The following NDFIP1 variants were observed in gnomAD, a reference collection of about 807,000 sequenced individuals.
The protein encoded by NDFIP1 is Nedd4 family interacting protein 1, also known as NEDD4 family-interacting protein 1.
A neutral mutation model predicts 28.8 loss-of-function variants in NDFIP1; 7 were observed. That is an observed-to-expected ratio of 0.24 (90% CI 0.14 to 0.46). The LOEUF (loss-of-function observed/expected upper bound fraction) is 0.46. Among genes scored for constraint, NDFIP1 ranks in the 20% least tolerant of loss-of-function variants. The pLI is 0.99. For synonymous variants in NDFIP1, 92 were observed against 101.0 expected, an observed-to-expected ratio of 0.91 and a Z score of 0.53; for missense variants, 194 against 269.1, an observed-to-expected ratio of 0.72 and a Z score of 1.95.
At chr5:142,151,693 T>C (rs1757448330) in intron 7 of NDFIP1, 38 bp from the exon 8 acceptor site, 1 of 152,704 alleles carries the variant, frequency 6.5e-6, no homozygotes, top group African/African-American at 2.4e-5. Flanking sequence ...AATAACAAGC[T>C]AACTAGAGTT....
intron 1 of NDFIP1, among the ~76,000 whole-genome samples, chr5:142,112,063 TCAAAAAAAAC>T: frequency 6.9e-6 from 1 of 145,954 alleles, no homozygotes; most frequent in South Asian, 2.1e-4. Context: ...TGGGACTGTC[TCAAAAAAAAC>T]CAAAACAAAA....
At chr5:142,139,845 C>G (rs908635119) in intron 5 of NDFIP1, among the ~76,000 whole-genome samples, 1 of 152,086 alleles carries the variant, frequency 6.6e-6, no homozygotes, top group Non-Finnish European at 1.5e-5. Flanking sequence ...TAGTGAGATC[C>G]TGTCTCTTAA....
At chr5:142,125,894 T>C (rs193042601) in intron 1 of NDFIP1, among the ~76,000 whole-genome samples, 392 of 152,336 alleles carry the variant, frequency 2.6e-3, no homozygotes, top group African/African-American at 9.1e-3. Flanking sequence ...TACTGGCCTT[T>C]TGTATATCTT....
intron 1 of NDFIP1, among the ~76,000 whole-genome samples, chr5:142,115,791 A>G (rs1012322123): frequency 1.5e-4 from 23 of 152,096 alleles, no homozygotes; most frequent in African/African-American, 5.3e-4. Flanking sequence ...AGGTGGGGGT[A>G]TGAGTTAGAG....
At position 142,152,979 on chromosome 5, in the gene NDFIP1, A is replaced by T. The variant is rs1008835728; in HGVS notation, c.*1251A>T. ...AAATGTATTTGAACATTGGTTCTGT[A>T]AAAGATAATGGACTAAAAAAGTAGA... On this transcript the variant is annotated 3_prime_UTR_variant, in exon 8 of 8. Transcript: ENST00000253814. 2.1e-5 allele frequency: 6 copies of T among 280,612 alleles called. No homozygotes were observed. The East Asian group carries it at 5.4e-4, about 25-fold the overall frequency. 17.4% of individuals were successfully genotyped at this position (280,612 alleles called of 1,614,324 possible).
At chr5:142,146,975 A>T (rs1177539002) in intron 7 of NDFIP1, among the ~76,000 whole-genome samples, 1 of 152,184 alleles carries the variant, frequency 6.6e-6, no homozygotes, top group East Asian at 1.9e-4. Flanking sequence ...TGTTGTAGGA[A>T]GTACTAAGGG....
At chr5:142,148,473 G>A (rs531523383) in intron 7 of NDFIP1, among the ~76,000 whole-genome samples, 5 of 152,228 alleles carry the variant, frequency 3.3e-5, no homozygotes, top group Admixed American at 2.0e-4. Flanking sequence ...TGACTGGGCC[G>A]GGCGCAGTGG....
At chr5:142,145,474 G>T (rs1429500844) in intron 7 of NDFIP1, among the ~76,000 whole-genome samples, 1 of 152,044 alleles carries the variant, frequency 6.6e-6, no homozygotes, top group African/African-American at 2.4e-5. Context: ...GGGGCTTTGG[G>T]GACTGTGTTA....
intron 6 of NDFIP1, chr5:142,143,310 C>T (rs1757355048): frequency 6.6e-6 from 1 of 152,102 alleles, no homozygotes; most frequent in Non-Finnish European, 1.5e-5. Context: ...TTGCTGTCTC[C>T]TCCATACAGG....
chr5:142,141,397 C>T (rs911303495), intron 6 of NDFIP1, among the ~76,000 whole-genome samples: 8 of 151,718 alleles, frequency 5.3e-5, no homozygotes, highest in East Asian at 1.9e-4. Context: ...AGGATGGTCT[C>T]GATCTCCTGA....
At chr5:142,117,746 T>TTTA (rs1757083994) in intron 1 of NDFIP1, among the ~76,000 whole-genome samples, 1 of 149,914 alleles carries the variant, frequency 6.7e-6, no homozygotes, top group Non-Finnish European at 1.5e-5. Flanking sequence ...TTTTTTTTTT[T>TTTA]GAGACAGGGC....
At chr5:142,131,927 C>T (rs1757232028) in intron 2 of NDFIP1, 32 bp downstream of exon 2, 1 of 1,509,464 alleles carries the variant, frequency 6.6e-7, no homozygotes. Flanking sequence ...TCACGGAATC[C>T]TTAAAAACAC....
intron 7 of NDFIP1, among the ~76,000 whole-genome samples, chr5:142,150,879 A>C (rs565587677): frequency 1.1e-4 from 16 of 152,266 alleles, no homozygotes; most frequent in African/African-American, 3.9e-4. Flanking sequence ...TTTCTCAATA[A>C]ATGTTTATTA....
intron 1 of NDFIP1, among the ~76,000 whole-genome samples, chr5:142,110,189 T>C (rs1198093370): frequency 2.6e-5 from 4 of 152,188 alleles, no homozygotes; most frequent in Admixed American, 2.6e-4. Context: ...CCAAAATGAC[T>C]AGTTAAGAAT....
chr5:142,145,146 C>A (rs917547767), intron 7 of NDFIP1, among the ~76,000 whole-genome samples: 1 of 152,204 alleles, frequency 6.6e-6, no homozygotes, highest in African/African-American at 2.4e-5. Flanking sequence ...CCCACCAAGT[C>A]TTCCATCTTT....
At position 142,109,049 on chromosome 5, in the gene NDFIP1, C is replaced by T; in HGVS notation, c.63+12C>T. The T allele has an allele frequency of 7.1e-7, 1 of 1,406,990 alleles. No individual in the cohort carries two copies. 87.2% of individuals were successfully genotyped at this position (1,406,990 alleles called of 1,614,324 possible). A position where few individuals can be genotyped will look rare whatever the true frequency, so the allele number is the denominator to read the frequency against. On this transcript the variant is annotated intron_variant, in intron 1 of 7. Transcript: ENST00000253814. The stretch of plus-strand genomic sequence containing the variant: ...GCCGGTACCAGCAGGTAAGCGGCGC[C>T]CGACTCCAGCCCCGAACTCCGGTCC...
At chr5:142,117,587 G>A (rs1355761573) in intron 1 of NDFIP1, among the ~76,000 whole-genome samples, 1 of 152,036 alleles carries the variant, frequency 6.6e-6, no homozygotes, top group Non-Finnish European at 1.5e-5. Context: ...TTAAAATTAA[G>A]CATTTTGTAT....
intron 7 of NDFIP1, among the ~76,000 whole-genome samples, chr5:142,147,462 A>G (rs1172059439): frequency 1.3e-5 from 2 of 152,202 alleles, no homozygotes; most frequent in East Asian, 3.9e-4. Flanking sequence ...TGCTTATCAC[A>G]GTTTTTAAAA....
chr5:142,115,200 G>T (rs1210489938), intron 1 of NDFIP1, among the ~76,000 whole-genome samples: 1 of 152,050 alleles, frequency 6.6e-6, no homozygotes, highest in African/African-American at 2.4e-5. Context: ...TGTTTTTAGG[G>T]CTTTAAAATA....
Sources: gnomAD v4.1 joint callset for allele counts (sites outside exome capture counted in the v4.1 genomes callset) on GRCh38, gnomAD v4.1.1 for gene constraint, MANE v1.5 for transcripts, NCBI Gene and HGNC (gene_info 2026-07-23, HGNC 2026-07-21) for gene names.